SMC5: variants seen among roughly 807,000 people sequenced by gnomAD.
SMC5 encodes structural maintenance of chromosomes 5, also known as structural maintenance of chromosomes protein 5.
A neutral mutation model predicts 148.3 loss-of-function variants in SMC5; 88 were observed. That is an observed-to-expected ratio of 0.59 (90% CI 0.50 to 0.71). The LOEUF (loss-of-function observed/expected upper bound fraction) is 0.71. Among genes scored for constraint, SMC5 ranks in the 30% least tolerant of loss-of-function variants. The pLI is 0.00. For synonymous variants in SMC5, 421 were observed against 432.8 expected (o/e 0.97, Z 0.34); for missense variants, 1,142 against 1,298.9 (o/e 0.88, Z 1.86).
intron 17 of SMC5, among the ~76,000 whole-genome samples, chr9:70,333,467 T>TC (rs1587705180): frequency 1.3e-5 from 2 of 152,000 alleles, no homozygotes; most frequent in East Asian, 3.9e-4. Context: ...GATAAAACCC[T>TC]GTCATTAAAA....
In SMC5 at chr9:70,354,842, TTTG is replaced by T. The variant is rs1007630787; in HGVS notation, c.*2515_*2517del. On this transcript the variant is annotated 3_prime_UTR_variant, in exon 25 of 25. Coordinates refer to ENST00000361138, the MANE Select transcript of SMC5 (RefSeq NM_015110.4). ...AATTGAAAAAACTGGGAAATCCTGC[TTTG>T]TTGGTAATAAATCAATATTTTTATA... 1 of 152,226 alleles carries T rather than the reference TTTG, an allele frequency of 6.6e-6. No individual in the cohort carries two copies. The highest frequency in any genetic ancestry group is 2.4e-5 in the African/African-American group (1 of 41,466). 9.4% of individuals were successfully genotyped at this position (152,226 alleles called of 1,614,324 possible).
At chr9:70,309,237 G>T (rs912167614) in intron 11 of SMC5, among the ~76,000 whole-genome samples, 1 of 145,168 alleles carries the variant, frequency 6.9e-6, no homozygotes, top group African/African-American at 2.5e-5. Flanking sequence ...TTACCACATT[G>T]ATCAACTCTT....
At chr9:70,306,353 C>G (rs1331901674) in intron 11 of SMC5, among the ~76,000 whole-genome samples, 3 of 152,266 alleles carry the variant, frequency 2.0e-5, no homozygotes, top group East Asian at 3.9e-4. Context: ...AATCTTGACC[C>G]TGCTTTGGCT....
At chr9:70,267,827 AAAT>A in intron 2 of SMC5, 93 bp from the exon 3 acceptor site, 1 of 1,157,358 alleles carries the variant, frequency 8.6e-7, no homozygotes, top group South Asian at 1.4e-5. Context: ...TACCTGAAAA[AAAT>A]CTTGATTTGA....
At chr9:70,308,893 A>G (rs537989450) in intron 11 of SMC5, among the ~76,000 whole-genome samples, 64 of 152,270 alleles carry the variant, frequency 4.2e-4, no homozygotes, top group Middle Eastern at 3.4e-3. Flanking sequence ...ATTGAATTCT[A>G]GTACAGACAT....
At chr9:70,293,651 G>T (rs2035124245) in intron 8 of SMC5, among the ~76,000 whole-genome samples, 1 of 151,830 alleles carries the variant, frequency 6.6e-6, no homozygotes, top group Admixed American at 6.6e-5. Flanking sequence ...TTTTCATTCA[G>T]TTTATTGTAT....
intron 2 of SMC5, among the ~76,000 whole-genome samples, chr9:70,265,163 A>G (rs1225733125): frequency 6.6e-6 from 1 of 152,146 alleles, no homozygotes; most frequent in Admixed American, 6.6e-5. Flanking sequence ...AACAGATACA[A>G]AAAATGAGAT....
chr9:70,267,726 A>G (rs7027209), intron 2 of SMC5, among the ~76,000 whole-genome samples, 197 bp from the exon 3 acceptor site: 96,872 of 151,946 alleles, frequency 0.64, 31,649 homozygotes, highest in Non-Finnish European at 0.71. Context: ...ACCTAATATT[A>G]TTATTGTTGT....
rs2034337938 is a variant in SMC5 at position 70,267,946 on chromosome 9, A to T, written c.351A>T (p.Gly117=). The T allele has an allele frequency of 1.2e-6, 2 of 1,613,160 alleles. No individual in the cohort carries two copies. The highest frequency in any genetic ancestry group is 2.2e-5 in the South Asian group (2 of 90,890). ...AGGTTGGGTTTTTTGTGAAGAGAGG[A>T]TGTTCTAGAGGCATGGTTGAAATTG... ...ADKVGFFVKR[G]CSRGMVEIEL... The change falls in exon 3 of 25, where the codon GGA becomes GGT. Residue 117 remains glycine, a synonymous_variant. Transcript: ENST00000361138.
rs555512490 is a variant in SMC5 at position 70,310,148 on chromosome 9, G to A, written c.1579-4594G>A. ...CAGGTGTAAGCCACCACACCTGGCC[G>A]ATGAATCTTTTTTAGAAGGCTTTTT... is the stretch of plus-strand genomic sequence containing the variant. On this transcript the variant is annotated intron_variant, in intron 11 of 24. Coordinates refer to ENST00000361138, the MANE Select transcript of SMC5 (RefSeq NM_015110.4). Among the ~76,000 whole-genome samples, 17 of 152,256 alleles carry A rather than the reference G, an allele frequency of 1.1e-4. No individual in the cohort carries two copies. In the South Asian group the frequency reaches 1.5e-3, roughly 13 times the overall value.
intron 11 of SMC5, chr9:70,311,607 T>C (rs1264316293): frequency 6.6e-6 from 1 of 152,094 alleles, no homozygotes; most frequent in African/African-American, 2.4e-5. Flanking sequence ...AAAAATTGTT[T>C]TTAAACCAGT....
chr9:70,350,178 A>G lies in SMC5; in HGVS notation c.2954A>G (p.Glu985Gly). The stretch of plus-strand genomic sequence containing the variant: ...TTTCGAAGTAGTACTCAACTGCATG[A>G]ATTAACTCCTCATCATCAAAGTGGA... ...VKFRSSTQLH[E>G]LTPHHQSGGE... Residue 985 changes from glutamate (E) to glycine (G), a missense_variant, in exon 23 of 25, where the codon GAA becomes GGA. By Grantham distance (98) the Glu-to-Gly change is moderately conservative (BLOSUM62 -2). Coordinates refer to ENST00000361138, the MANE Select transcript of SMC5 (RefSeq NM_015110.4). The G allele has an allele frequency of 6.2e-7, 1 of 1,613,444 alleles. No individual in the cohort carries two copies. Among genetic ancestry groups the G allele is most frequent in the Non-Finnish European group, 8.5e-7 (1 of 1,179,634 alleles).
chr9:70,280,683 A>G (rs1452568438), intron 5 of SMC5, 76 bp from the exon 6 acceptor site: 31 of 1,418,100 alleles, frequency 2.2e-5, no homozygotes, highest in Admixed American at 1.5e-4. Flanking sequence ...GCCATCGTTT[A>G]TTTTTCATTG....
At chr9:70,327,773 T>G (rs2036118313) in intron 17 of SMC5, among the ~76,000 whole-genome samples, 1 of 152,152 alleles carries the variant, frequency 6.6e-6, no homozygotes, top group African/African-American at 2.4e-5. Context: ...TGTACCCTAA[T>G]GAAAGGACAC....
chr9:70,317,249 TTA>T (rs2035827310), intron 13 of SMC5, among the ~76,000 whole-genome samples: 1 of 152,130 alleles, frequency 6.6e-6, no homozygotes, highest in Non-Finnish European at 1.5e-5. Flanking sequence ...AGTATACTCT[TTA>T]TGTTTTCTTT....
At position 70,324,069 on chromosome 9, in the gene SMC5, A is replaced by T; in HGVS notation, c.2323A>T (p.Thr775Ser). The change falls in exon 17 of 25, where the codon ACT (threonine) becomes TCT (serine). Residue 775 changes from threonine to serine, a missense_variant. Thr to Ser is a moderately conservative substitution (Grantham distance 58). Around this residue, in one of 5 missense-constraint regions of SMC5, gnomAD observed 743 missense variants for 835.7 expected, o/e 0.89. Transcript: ENST00000361138. ...AAAAGTAGATTTAATTCTCCAAAAT[A>T]CTACAGTGATCTCTGAGAAGAACAA... ...IQKVDLILQN[T>S]TVISEKNKLE... is the part of the protein sequence containing the mutation. 1 of 1,598,746 alleles carries T rather than the reference A, an allele frequency of 6.3e-7. No individual in the cohort carries two copies. The highest frequency in any genetic ancestry group is 8.5e-7 in the Non-Finnish European group (1 of 1,176,126).
chr9:70,333,795 A>T (rs746400525), intron 17 of SMC5, among the ~76,000 whole-genome samples: 1 of 152,138 alleles, frequency 6.6e-6, no homozygotes, highest in Non-Finnish European at 1.5e-5. Flanking sequence ...AAACTACGAA[A>T]ATTTGATGAG....
chr9:70,321,251 A>G (rs1413095082), intron 15 of SMC5, among the ~76,000 whole-genome samples: 1 of 152,154 alleles, frequency 6.6e-6, no homozygotes, highest in Non-Finnish European at 1.5e-5. Flanking sequence ...AGTTTCACAG[A>G]ATAGATTGGG....
chr9:70,267,940 G>A lies in SMC5; in HGVS notation c.345G>A (p.Lys115=). ...GRADKVGFFV[K]RGCSRGMVEI... ...TGTCTTAGGTTGGGTTTTTTGTGAA[G>A]AGAGGATGTTCTAGAGGCATGGTTG... Residue 115 remains lysine (K), a synonymous_variant, in exon 3 of 25, where the codon AAG becomes AAA. Coordinates refer to ENST00000361138, the MANE Select transcript of SMC5 (RefSeq NM_015110.4). 1 of 1,613,280 alleles carries A rather than the reference G, an allele frequency of 6.2e-7. No homozygotes were observed. Among genetic ancestry groups the A allele is most frequent in the Non-Finnish European group, 8.5e-7 (1 of 1,179,746 alleles).
Sources: gnomAD v4.1 joint callset for allele counts (sites outside exome capture counted in the v4.1 genomes callset) on GRCh38, gnomAD v4.1.1 for gene constraint, gnomAD v4.1.1 regional missense constraint, MANE v1.5 for transcripts, NCBI Gene and HGNC (gene_info 2026-07-23, HGNC 2026-07-21) for gene names.